DLGAP2: variants seen among roughly 807,000 people sequenced by gnomAD.
The protein encoded by DLGAP2 is DLG associated protein 2.
In DLGAP2, 26 loss-of-function variants were observed where a neutral mutation model predicts 100.3. That is an observed-to-expected ratio of 0.26 (90% confidence interval 0.19 to 0.36). The LOEUF is 0.36. Ranked by LOEUF, DLGAP2 falls within the 10% of genes least tolerant of loss-of-function variation. The pLI is 1.00. For synonymous variants in DLGAP2, 886 were observed against 630.1 expected (o/e 1.41, Z -6.08); for missense variants, 1,858 against 1,453.2 (o/e 1.28, Z -4.53).
At chr8:1,453,641 C>CG (rs1738145732) in intron 3 of DLGAP2, among the ~76,000 whole-genome samples, 1 of 152,154 alleles carries the variant, frequency 6.6e-6, no homozygotes. Flanking sequence ...CAACCTGTGC[C>CG]TGCAACACCA....
intron 3 of DLGAP2, among the ~76,000 whole-genome samples, chr8:1,291,192 G>T (rs1240082130): frequency 1.3e-5 from 2 of 152,042 alleles, no homozygotes; most frequent in African/African-American, 4.8e-5. Flanking sequence ...GAACATAAAT[G>T]GTGTAACTGC....
chr8:1,669,768 C>T lies in DLGAP2; in HGVS notation c.2186C>T (p.Pro729Leu), dbSNP rs1309505392. Residue 729 changes from proline (P) to leucine (L), a missense_variant, in exon 10 of 15, where the codon CCA (proline) becomes CTA (leucine). Pro to Leu is a moderately conservative substitution (Grantham distance 98). Transcript: ENST00000637795. ...IQDSEFPEHQ[P>L]YPRSDVETAT... is the part of the protein sequence containing the mutation. The stretch of plus-strand genomic sequence containing the variant: ...GATTCTGAATTCCCAGAGCATCAGC[C>T]ATACCCAAGGTCAGATGTAAGTACC... 9 of 780,812 alleles carry T rather than the reference C, an allele frequency of 1.2e-5. No individual in the cohort carries two copies. Among genetic ancestry groups the T allele is most frequent in the Non-Finnish European group, 2.2e-5 (9 of 418,002 alleles). The allele number at this position is 780,812 out of a possible 1,614,324, so 48.4% of individuals were successfully genotyped here.
At chr8:1,028,126 G>C (rs1801865688) in intron 2 of DLGAP2, among the ~76,000 whole-genome samples, 1 of 132,554 alleles carries the variant, frequency 7.5e-6, no homozygotes, top group Admixed American at 7.4e-5. Flanking sequence ...TCTCCAGGTG[G>C]GGTGTCACGC....
At chr8:1,052,136 A>C (rs1038235190) in intron 2 of DLGAP2, among the ~76,000 whole-genome samples, 104 of 152,184 alleles carry the variant, frequency 6.8e-4, no homozygotes, top group African/African-American at 2.5e-3. Context: ...TATTGTGGGC[A>C]CTGAACTCCC....
intron 3 of DLGAP2, among the ~76,000 whole-genome samples, chr8:1,365,356 C>T (rs1394412231): frequency 6.6e-6 from 1 of 152,140 alleles, no homozygotes; most frequent in African/African-American, 2.4e-5. Context: ...GGGAAACAGG[C>T]ACAGGGGAGC....
chr8:1,328,220 T>C (rs1344470722), intron 3 of DLGAP2, among the ~76,000 whole-genome samples: 3 of 152,068 alleles, frequency 2.0e-5, no homozygotes, highest in African/African-American at 7.2e-5. Flanking sequence ...TTTTATTTTT[T>C]TAGTTGAGAC....
At chr8:1,010,359 G>A (rs573945625) in intron 2 of DLGAP2, among the ~76,000 whole-genome samples, 79 of 149,034 alleles carry the variant, frequency 5.3e-4, no homozygotes, top group South Asian at 2.2e-3. Flanking sequence ...ATGCACACAC[G>A]CACTCATTCT....
chr8:864,320 G>A (rs1797450151), intron 1 of DLGAP2, among the ~76,000 whole-genome samples: 1 of 152,104 alleles, frequency 6.6e-6, no homozygotes, highest in Non-Finnish European at 1.5e-5. Flanking sequence ...TCCCAAAATA[G>A]AAGAAAAGAT....
intron 2 of DLGAP2, among the ~76,000 whole-genome samples, chr8:935,156 C>T (rs1177159674): frequency 1.3e-5 from 2 of 152,244 alleles, no homozygotes; most frequent in East Asian, 1.9e-4. Context: ...GGCTGCCCCT[C>T]GGGAGTGTTG....
intron 1 of DLGAP2, among the ~76,000 whole-genome samples, chr8:869,944 G>A (rs571229108): frequency 3.3e-5 from 5 of 151,982 alleles, no homozygotes; most frequent in African/African-American, 1.2e-4. Flanking sequence ...GAGGTTATTG[G>A]TGGTTTCTTC....
intron 2 of DLGAP2, among the ~76,000 whole-genome samples, chr8:1,231,980 A>T (rs566936311): frequency 6.6e-6 from 1 of 152,346 alleles, no homozygotes; most frequent in African/African-American, 2.4e-5. Context: ...AAAAAATGTA[A>T]ATCTTCAAAA....
At chr8:1,105,810 G>A (rs1258942887) in intron 2 of DLGAP2, among the ~76,000 whole-genome samples, 4 of 148,212 alleles carry the variant, frequency 2.7e-5, no homozygotes, top group African/African-American at 1.0e-4. Flanking sequence ...CATTCTAGGA[G>A]GGTTTTCTAC....
intron 1 of DLGAP2, among the ~76,000 whole-genome samples, chr8:848,211 T>G (rs976993993): frequency 1.3e-5 from 2 of 152,252 alleles, no homozygotes; most frequent in African/African-American, 2.4e-5. Context: ...TTATCTATAT[T>G]GCTATATGAA....
At chr8:1,532,413 A>G (rs1801015130) in intron 4 of DLGAP2, among the ~76,000 whole-genome samples, 1 of 152,220 alleles carries the variant, frequency 6.6e-6, no homozygotes, top group Admixed American at 6.5e-5. Context: ...GAGTAAGTAA[A>G]TAAGCAATAC....
intron 7 of DLGAP2, among the ~76,000 whole-genome samples, chr8:1,628,024 G>C (rs1797551321): frequency 7.9e-6 from 1 of 126,840 alleles, no homozygotes; most frequent in Non-Finnish European, 1.6e-5. Flanking sequence ...CATTCTGTCT[G>C]ACTTACTGTG....
intron 3 of DLGAP2, among the ~76,000 whole-genome samples, chr8:1,271,591 T>C (rs1799585347): frequency 1.3e-5 from 2 of 152,138 alleles, no homozygotes. Context: ...GAGTTGTAAA[T>C]ACAGCAATGG....
At chr8:1,290,824 G>A (rs945039439) in intron 3 of DLGAP2, among the ~76,000 whole-genome samples, 16 of 152,214 alleles carry the variant, frequency 1.1e-4, no homozygotes, top group Admixed American at 9.2e-4. Flanking sequence ...ACTGTGTAAG[G>A]TGGTGTTTTA....
At chr8:839,430 G>C (rs1227724052) in intron 1 of DLGAP2, among the ~76,000 whole-genome samples, 1 of 152,212 alleles carries the variant, frequency 6.6e-6, no homozygotes, top group Non-Finnish European at 1.5e-5. Flanking sequence ...CTGTCATTTG[G>C]AGGAATCTGG....
At chr8:1,360,538 G>T (rs546072503) in intron 3 of DLGAP2, among the ~76,000 whole-genome samples, 28 of 152,264 alleles carry the variant, frequency 1.8e-4, no homozygotes, top group African/African-American at 6.0e-4. Flanking sequence ...GGCAGCACGG[G>T]ACCACGGCTG....
Sources: allele counts gnomAD v4.1 joint callset (sites outside exome capture counted in the v4.1 genomes callset), GRCh38; gene constraint gnomAD v4.1.1; transcripts MANE v1.5; gene names NCBI Gene and HGNC (gene_info 2026-07-23, HGNC 2026-07-21).